ENTPD4: variants seen among roughly 807,000 people sequenced by gnomAD.
ENTPD4 encodes the protein ectonucleoside triphosphate diphosphohydrolase 4.
Under a neutral mutation model 79.1 loss-of-function variants are expected in ENTPD4, and 60 were observed. The ratio of observed to expected loss-of-function variants is 0.76; its 90% CI spans 0.62 to 0.94. ENTPD4 has a LOEUF of 0.94. ENTPD4 is among the 40% of genes least tolerant of loss of function. The pLI, the probability that ENTPD4 is intolerant of heterozygous loss-of-function variation, is 0.00. For missense variants in ENTPD4, 772 were observed against 775.1 expected (o/e 1.00, Z 0.05); for synonymous variants, 276 against 292.0 (o/e 0.95, Z 0.56).
At position 23,429,818 on chromosome 8, in the gene ENTPD4, G is replaced by A; in HGVS notation, c.*3108C>T. ...AAGCACTGCCTAAAGCCGGAGCTTA[G>A]GATGAACATGGGCAAAAAGCACTGG... On this transcript the variant is annotated 3_prime_UTR_variant, in exon 13 of 13. Transcript: ENST00000358689. 2 of 985,430 alleles carry A rather than the reference G, an allele frequency of 2.0e-6. No individual in the cohort carries two copies. Among genetic ancestry groups the A allele is most frequent in the Non-Finnish European group, 2.4e-6 (2 of 829,926 alleles). The allele number at this position is 985,430 out of a possible 1,614,324, so 61.0% of individuals were successfully genotyped here. A position where few individuals can be genotyped will look rare whatever the true frequency, so the allele number is the denominator to read the frequency against.
intron 3 of ENTPD4, 152 bp downstream of exon 3, chr8:23,448,590 G>C (rs149362174): frequency 3.9e-5 from 25 of 645,564 alleles, no homozygotes; most frequent in Middle Eastern, 4.2e-4. Flanking sequence ...ATGGCACCTT[G>C]ATCGTGGATT....
rs1445106276 is a variant in ENTPD4, at chr8:23,447,839, G to A, written c.253C>T (p.Pro85Ser). 1 of 1,614,140 alleles carries A rather than the reference G, an allele frequency of 6.2e-7. No homozygotes were observed. The part of the protein sequence containing the change: ...TDIEATDTNN[P>S]NVNYGIVVDC... ...ACCACGATCCCATAGTTCACATTGG[G>A]GTTATTGGTGTCTGTAGCTTCAATG... is the stretch of plus-strand genomic sequence containing the variant. Residue 85 changes from proline (P) to serine (S), a missense_variant, in exon 4 of 13, where the codon CCC becomes TCC. Pro to Ser is a moderately conservative substitution (Grantham distance 74, BLOSUM62 -1). Coordinates refer to ENST00000358689, the MANE Select transcript of ENTPD4 (RefSeq NM_004901.5).
Position 23,431,758 on chromosome 8 carries a change from G to A in ENTPD4, c.*1168C>T, listed in dbSNP as rs569222399. The A allele has an allele frequency of 6.6e-5, 65 of 985,460 alleles. 1 individual carries two copies. In the South Asian group the frequency reaches 1.7e-3, roughly 26 times the overall value. 61.0% of individuals were successfully genotyped at this position (985,460 alleles called of 1,614,324 possible). On this transcript the variant is annotated 3_prime_UTR_variant, in exon 13 of 13. Transcript: ENST00000358689. Reference sequence around the variant, plus strand: ...GGCACGATTAAGCAGAAACACTGAGGAATACTGAGCAAGAAGTGGGCATGT... The same window carrying A: ...GGCACGATTAAGCAGAAACACTGAGAAATACTGAGCAAGAAGTGGGCATGT...
At chr8:23,442,933 C>T (rs989396556) in intron 6 of ENTPD4, among the ~76,000 whole-genome samples, 7 of 152,220 alleles carry the variant, frequency 4.6e-5, no homozygotes, top group Non-Finnish European at 8.8e-5. Context: ...GTTAACATTC[C>T]CGCCACTCCT....
intron 7 of ENTPD4, 63 bp from the exon 8 acceptor site, chr8:23,441,786 G>A: frequency 6.5e-7 from 1 of 1,548,394 alleles, no homozygotes; most frequent in Admixed American, 1.8e-5. Flanking sequence ...CTCTTCTGAA[G>A]AGTCACCTTC....
chr8:23,434,740 T>C (rs1237437313), intron 11 of ENTPD4: 4 of 1,276,662 alleles, frequency 3.1e-6, no homozygotes, highest in Admixed American at 3.4e-5. Context: ...ATCCCTGAGA[T>C]AGGTTTCTTT....
In ENTPD4 at chr8:23,429,806, A is replaced by C. The variant is rs1156439586; in HGVS notation, c.*3120T>G. The stretch of plus-strand genomic sequence containing the variant: ...GCCCAGGTCAGAAAGCACTGCCTAA[A>C]GCCGGAGCTTAGGATGAACATGGGC... On this transcript the variant is annotated 3_prime_UTR_variant, in exon 13 of 13. Coordinates refer to ENST00000358689, the MANE Select transcript of ENTPD4 (RefSeq NM_004901.5). 1 of 985,362 alleles carries C rather than the reference A, an allele frequency of 1.0e-6. No homozygotes were observed. Among genetic ancestry groups the C allele is most frequent in the Non-Finnish European group, 1.2e-6 (1 of 829,954 alleles). The allele number at this position is 985,362 out of a possible 1,614,324, so 61.0% of individuals were successfully genotyped here.
rs1138445 is a variant in ENTPD4 at position 23,432,567 on chromosome 8, C to T, written c.*359G>A. Reference sequence around the variant, plus strand: ...AGGCTGGAGTGCAGTGGTGTGATCTCGGCTCACTGCAAGCTCTGCCTCCCA... The same window carrying T: ...AGGCTGGAGTGCAGTGGTGTGATCTTGGCTCACTGCAAGCTCTGCCTCCCA... On this transcript the variant is annotated 3_prime_UTR_variant, in exon 13 of 13. Coordinates refer to ENST00000358689, the MANE Select transcript of ENTPD4 (RefSeq NM_004901.5). The T allele has an allele frequency of 0.25, 194,690 of 789,616 alleles. 24,506 individuals carry two copies. The highest frequency in any genetic ancestry group is 0.36 in the Admixed American group (6,472 of 18,036). 48.9% of individuals were successfully genotyped at this position (789,616 alleles called of 1,614,324 possible). A position where few individuals can be genotyped will look rare whatever the true frequency, so the allele number is the denominator to read the frequency against.
chr8:23,443,242 C>G (rs1042672440), intron 6 of ENTPD4, among the ~76,000 whole-genome samples: 6 of 152,088 alleles, frequency 3.9e-5, no homozygotes, highest in Middle Eastern at 3.2e-3. Flanking sequence ...TACCTAAAAC[C>G]CTCATAGAAC....
chr8:23,440,318 C>T (rs1301233785), intron 8 of ENTPD4, among the ~76,000 whole-genome samples: 1 of 151,900 alleles, frequency 6.6e-6, no homozygotes, highest in African/African-American at 2.4e-5. Context: ...TTACAGTAAT[C>T]AATAGCTTAT....
Position 23,443,868 on chromosome 8 carries a change from T to C in ENTPD4, c.649A>G (p.Ile217Val), listed in dbSNP as rs2117292736. 6.2e-7 allele frequency: 1 copy of C among 1,612,570 alleles called. No individual in the cohort carries two copies. The highest frequency in any genetic ancestry group is 1.1e-5 in the South Asian group (1 of 90,980). ...TACCAACCTTCTTGTTTCCCAGAAA[T>C]TACTTCTGCATGAGAGTCAGAAAAC... ...FLFSDSHAEV[I>V]SGKQEGVYAW... Residue 217 changes from isoleucine to valine, a missense_variant, in exon 6 of 13, where the codon ATT (isoleucine) becomes GTT (valine). Ile to Val is a conservative substitution (Grantham distance 29). Coordinates refer to ENST00000358689, the MANE Select transcript of ENTPD4 (RefSeq NM_004901.5).
In ENTPD4 at chr8:23,432,318, G is replaced by C. The variant is rs1800469220; in HGVS notation, c.*608C>G. On this transcript the variant is annotated 3_prime_UTR_variant, in exon 13 of 13. Coordinates refer to ENST00000358689, the MANE Select transcript of ENTPD4 (RefSeq NM_004901.5). ...GAATGCATCTTTCCACCTCCCTCCAGTATCAAAGTGCATGTGTTTAAATTT... is the reference window on the plus strand; with the variant it reads ...GAATGCATCTTTCCACCTCCCTCCACTATCAAAGTGCATGTGTTTAAATTT... The C allele has an allele frequency of 4.1e-6, 4 of 985,404 alleles. No individual in the cohort carries two copies. In the African/African-American group the frequency reaches 7.0e-5, roughly 17 times the overall value. The allele number at this position is 985,404 out of a possible 1,614,324, so 61.0% of individuals were successfully genotyped here.
rs1024279348 is a variant in ENTPD4, at chr8:23,432,749, C to T, written c.*177G>A. The T allele has an allele frequency of 2.1e-5, 28 of 1,351,246 alleles. No individual in the cohort carries two copies. Among genetic ancestry groups the T allele is most frequent in the Middle Eastern group, 5.3e-4 (2 of 3,784 alleles). 83.7% of individuals were successfully genotyped at this position (1,351,246 alleles called of 1,614,324 possible). On this transcript the variant is annotated 3_prime_UTR_variant, in exon 13 of 13. Coordinates refer to ENST00000358689, the MANE Select transcript of ENTPD4 (RefSeq NM_004901.5). Reference sequence around the variant, plus strand: ...TCCTGACCTCATGATCCGCCCGCCTCGGCCTCCCAAAGTGCTGGGATTACA... The same window carrying T: ...TCCTGACCTCATGATCCGCCCGCCTTGGCCTCCCAAAGTGCTGGGATTACA...
intron 12 of ENTPD4, 94 bp from the exon 13 acceptor site, chr8:23,433,248 G>T: frequency 9.4e-7 from 1 of 1,060,866 alleles, no homozygotes; most frequent in Non-Finnish European, 1.4e-6. Context: ...AGGCCCCAGA[G>T]CTGCACTTTA....
Position 23,432,789 on chromosome 8 carries a change from C to T in ENTPD4, c.*137G>A, listed in dbSNP as rs958240075. On this transcript the variant is annotated 3_prime_UTR_variant, in exon 13 of 13. Coordinates refer to ENST00000358689, the MANE Select transcript of ENTPD4 (RefSeq NM_004901.5). ...CTGGGATTACAGGCGTGAGCCACCG[C>T]GCTCGGCCTGCATTTTGTTTTTGTT... is the stretch of plus-strand genomic sequence containing the variant. 31 of 1,437,786 alleles carry T rather than the reference C, an allele frequency of 2.2e-5. No individual in the cohort carries two copies. Among genetic ancestry groups the T allele is most frequent in the South Asian group, 3.0e-5 (2 of 66,650 alleles). 89.1% of individuals were successfully genotyped at this position (1,437,786 alleles called of 1,614,324 possible).
At chr8:23,434,557 C>A in intron 11 of ENTPD4, 79 bp from the exon 12 acceptor site, 1 of 1,565,326 alleles carries the variant, frequency 6.4e-7, no homozygotes, top group South Asian at 1.2e-5. Context: ...ACACACAATC[C>A]TTCCCTCTGT....
At chr8:23,440,910 C>G (rs1323856822) in intron 8 of ENTPD4, among the ~76,000 whole-genome samples, 2 of 152,226 alleles carry the variant, frequency 1.3e-5, no homozygotes, top group East Asian at 3.8e-4. Context: ...TCACTTTGAA[C>G]CGTCCCCCGC....
At chr8:23,434,644 G>A in intron 11 of ENTPD4, 166 bp from the exon 12 acceptor site, 1 of 1,441,032 alleles carries the variant, frequency 6.9e-7, no homozygotes, top group Non-Finnish European at 9.1e-7. Context: ...TGATGTACTT[G>A]CTTCACATCC....
At chr8:23,442,588 C>A (rs1159515270) in intron 6 of ENTPD4, among the ~76,000 whole-genome samples, 1 of 151,754 alleles carries the variant, frequency 6.6e-6, no homozygotes, top group Admixed American at 6.6e-5. Flanking sequence ...GAAGCTGAGG[C>A]AGGAGAATCA....
Sources: gnomAD v4.1 joint callset for allele counts (sites outside exome capture counted in the v4.1 genomes callset) on GRCh38, gnomAD v4.1.1 for gene constraint, MANE v1.5 for transcripts, NCBI Gene and HGNC (gene_info 2026-07-23, HGNC 2026-07-21) for gene names.